TSHZ3: variants seen among roughly 807,000 people sequenced by gnomAD.
The protein encoded by TSHZ3 is teashirt homolog 3.
A neutral mutation model predicts 64.5 loss-of-function variants in TSHZ3; 10 were observed. The observed-to-expected ratio is 0.16, with a 90% CI of 0.10 to 0.26. TSHZ3 has a LOEUF of 0.26. Ranked by LOEUF, TSHZ3 falls within the 10% of genes least tolerant of loss-of-function variation. TSHZ3 has a pLI of 1.00. For missense variants in TSHZ3, 1,242 were observed against 1,421.7 expected (o/e 0.87, Z 2.03); for synonymous variants, 608 against 593.1 (o/e 1.03, Z -0.36).
At chr19:31,185,030 A>C (rs1184700416) in intron 5 of TSHZ3, among the ~76,000 whole-genome samples, 5 of 152,084 alleles carry the variant, frequency 3.3e-5, no homozygotes, top group Non-Finnish European at 7.4e-5. Flanking sequence ...CTCCTGAGAC[A>C]GGGACACCTT....
intron 5 of TSHZ3, among the ~76,000 whole-genome samples, chr19:31,198,776 T>A (rs1975029867): frequency 6.6e-6 from 1 of 152,086 alleles, no homozygotes; most frequent in Non-Finnish European, 1.5e-5. Context: ...TTAAACTAAA[T>A]CAAGGAAGGA....
At chr19:31,194,363 G>T (rs1196623832) in intron 5 of TSHZ3, among the ~76,000 whole-genome samples, 4 of 152,196 alleles carry the variant, frequency 2.6e-5, no homozygotes, top group East Asian at 3.9e-4. Flanking sequence ...TCTTAACAAG[G>T]TCTGCCCTTA....
intron 5 of TSHZ3, among the ~76,000 whole-genome samples, chr19:31,166,506 C>A (rs2060411305): frequency 6.6e-6 from 1 of 152,102 alleles, no homozygotes; most frequent in South Asian, 2.1e-4. Flanking sequence ...AGGCTGCAGC[C>A]AAGAAGGGAG....
intron 1 of TSHZ3, among the ~76,000 whole-genome samples, chr19:31,268,067 T>C (rs1294465530): frequency 1.3e-5 from 2 of 152,126 alleles, no homozygotes; most frequent in African/African-American, 4.8e-5. Flanking sequence ...GTTCTTGTGA[T>C]AGTGAATAAG....
intron 1 of TSHZ3, among the ~76,000 whole-genome samples, chr19:31,286,970 A>G (rs933784281): frequency 3.3e-5 from 5 of 152,244 alleles, no homozygotes; most frequent in African/African-American, 4.8e-5. Flanking sequence ...CTAGGTAAAA[A>G]GAAATTAATA....
chr19:31,213,127 G>T (rs918791476), intron 4 of TSHZ3, among the ~76,000 whole-genome samples: 7 of 151,892 alleles, frequency 4.6e-5, no homozygotes, highest in African/African-American at 1.7e-4. Context: ...AGGCGGAGGC[G>T]GGTGGATTGC....
chr19:31,156,388 G>A (rs974824391), exon 6 of TSHZ3, among the ~76,000 whole-genome samples: 5 of 152,132 alleles, frequency 3.3e-5, no homozygotes, highest in African/African-American at 7.2e-5. Flanking sequence ...AGGTCTTCCC[G>A]ATTCCGATGC....
chr19:31,233,318 T>C (rs573695610), intron 3 of TSHZ3, among the ~76,000 whole-genome samples: 1 of 152,368 alleles, frequency 6.6e-6, no homozygotes, highest in Admixed American at 6.5e-5. Flanking sequence ...TGGTATTCCA[T>C]TTTAATCTGC....
In TSHZ3 at chr19:31,217,956, C is replaced by T. The variant is rs79560292; in HGVS notation, n.686+10049G>A. 7.2e-3 allele frequency among the ~76,000 whole-genome samples: 1,094 copies of T among 152,208 alleles called. 5 individuals carry two copies. Among genetic ancestry groups the T allele is most frequent in the Non-Finnish European group, 0.012 (816 of 68,022 alleles). On this transcript the variant is annotated intron_variant and non_coding_transcript_variant, in intron 4 of 6. Coordinates refer to the TSHZ3 transcript ENST00000651361. The stretch of plus-strand genomic sequence containing the variant: ...AAAACAATAAACTCCTTGAAGATAA[C>T]ATAGGAGAAAATCTAGATGGCCTAG...
At chr19:31,150,944 C>A (rs769263843) in exon 7 of TSHZ3, among the ~76,000 whole-genome samples, 18 of 152,104 alleles carry the variant, frequency 1.2e-4, no homozygotes, top group Non-Finnish European at 2.5e-4. Flanking sequence ...AAGGAGAAGA[C>A]CTTCCATATC....
rs538681961 is a variant in TSHZ3, at chr19:31,320,520, G to A, written c.40+28660C>T. 4.6e-5 allele frequency among the ~76,000 whole-genome samples: 7 copies of A among 152,226 alleles called. No individual in the cohort carries two copies. In the South Asian group the frequency reaches 6.2e-4, roughly 14 times the overall value. On this transcript the variant is annotated intron_variant, in intron 1 of 1. Transcript: ENST00000240587. ...TGTTCTGTGCTCTGGGCCCACCTGC[G>A]AGGGATGATAACTGCAGTTGTCCTC...
chr19:31,286,674 G>C (rs1454377039), intron 1 of TSHZ3, among the ~76,000 whole-genome samples: 2 of 152,210 alleles, frequency 1.3e-5, no homozygotes, highest in African/African-American at 4.8e-5. Flanking sequence ...CCAGTGTCAG[G>C]GGACCACACA....
At chr19:31,221,152 T>A (rs1599590444) in intron 4 of TSHZ3, among the ~76,000 whole-genome samples, 2 of 152,348 alleles carry the variant, frequency 1.3e-5, no homozygotes, top group South Asian at 4.1e-4. Flanking sequence ...CAAGATATTA[T>A]CTGCAAAATA....
At chr19:31,256,796 C>T (rs1333189853) in intron 1 of TSHZ3, among the ~76,000 whole-genome samples, 1 of 152,166 alleles carries the variant, frequency 6.6e-6, no homozygotes, top group Admixed American at 6.5e-5. Context: ...CTGCAGCTCT[C>T]ACTGAGGTTC....
intron 1 of TSHZ3, among the ~76,000 whole-genome samples, chr19:31,269,764 A>G (rs911262295): frequency 1.3e-5 from 2 of 152,242 alleles, no homozygotes; most frequent in Non-Finnish European, 2.9e-5. Context: ...TTAAGAAGTC[A>G]TTTCCAAAGT....
chr19:31,167,757 C>G (rs1974476121), intron 5 of TSHZ3: 1 of 152,254 alleles, frequency 6.6e-6, no homozygotes, highest in Non-Finnish European at 1.5e-5. Flanking sequence ...AAATTTGGAC[C>G]CTTTTACTAG....
At chr19:31,348,333 C>T (rs1568389460) in intron 1 of TSHZ3, among the ~76,000 whole-genome samples, 2 of 152,080 alleles carry the variant, frequency 1.3e-5, no homozygotes, top group African/African-American at 2.4e-5. Flanking sequence ...GGCAACATGC[C>T]CCCAACCGAC....
At position 31,277,753 on chromosome 19, in the gene TSHZ3, A is replaced by G. The variant is rs1976272132; in HGVS notation, c.2040T>C (p.Asp680=). Residue 680 remains aspartate, a synonymous_variant, in exon 2 of 2, where the codon GAT becomes GAC. Coordinates refer to ENST00000240587, the MANE Select transcript of TSHZ3 (RefSeq NM_020856.4). The surrounding 1 kb of genome is among the most constrained non-coding windows in gnomAD (Gnocchi z 4.5). ...CCACCGGCTCAGCGAGGGGGCTCCCATCCTTGCACCCATCCCGCGGGGGGC... is the reference window on the plus strand; with the variant it reads ...CCACCGGCTCAGCGAGGGGGCTCCCGTCCTTGCACCCATCCCGCGGGGGGC... The part of the protein sequence containing the change: ...SPSPPRDGCK[D]GSPLAEPVEN... 3 of 1,522,152 alleles carry G rather than the reference A, an allele frequency of 2.0e-6. No homozygotes were observed. The highest frequency in any genetic ancestry group is 2.8e-5 in the African/African-American group (2 of 71,766). The allele number at this position is 1,522,152 out of a possible 1,614,324, so 94.3% of individuals were successfully genotyped here.
intron 5 of TSHZ3, among the ~76,000 whole-genome samples, chr19:31,185,248 TG>T (rs1333585760): frequency 6.6e-6 from 1 of 152,192 alleles, no homozygotes; most frequent in Non-Finnish European, 1.5e-5. Flanking sequence ...CCTCCGGAGC[TG>T]GGCTTAAAGC....
Sources: gnomAD v4.1 joint callset for allele counts (sites outside exome capture counted in the v4.1 genomes callset) on GRCh38, gnomAD v4.1.1 for gene constraint, Gnocchi (gnomAD v3.1) non-coding constraint, MANE v1.5 for transcripts, NCBI Gene and HGNC (gene_info 2026-07-23, HGNC 2026-07-21) for gene names.